Variants in IL1RAPL2 observed in about 807,000 individuals in gnomAD.
IL1RAPL2 encodes interleukin 1 receptor accessory protein like 2.
Under a neutral mutation model 44.1 loss-of-function variants are expected in IL1RAPL2, and 3 were observed. The ratio of observed to expected loss-of-function variants is 0.07; its 90% CI spans 0.03 to 0.18. The LOEUF (loss-of-function observed/expected upper bound fraction) is 0.18, where lower values mean the gene tolerates loss of function less well. Ranked by LOEUF, IL1RAPL2 falls within the 10% of genes least tolerant of loss-of-function variation. The probability of loss-of-function intolerance (pLI) is 1.00; values close to 1 mark genes in which losing one functional copy is unlikely to be tolerated. For synonymous variants in IL1RAPL2, 181 were observed against 178.8 expected (o/e 1.01, Z -0.10); for missense variants, 391 against 496.4 (o/e 0.79, Z 2.02).
chrX:105,034,669 G>C (rs1258484246), intron 2 of IL1RAPL2, among the ~76,000 whole-genome samples: 4 of 112,389 alleles, frequency 3.6e-5, no homozygotes, highest in African/African-American at 9.7e-5. Flanking sequence ...GTGCCTCCCA[G>C]TTAGGCTACT....
rs765086831 is a variant in IL1RAPL2 at position 105,684,595 on chromosome X, G to A, written c.773-32772G>A. Among the ~76,000 whole-genome samples, 3 of 112,765 alleles carry A rather than the reference G, an allele frequency of 2.7e-5. No individual in the cohort carries two copies. In the South Asian group the frequency reaches 1.1e-3, roughly 41 times the overall value. On this transcript the variant is annotated intron_variant, in intron 6 of 10. Transcript: ENST00000372582. ...TACTGCCTCTAGACTCCACCTCTGTGGGCAGGGCATAGCTGAACAAAAGGC... is the reference window on the plus strand; with the variant it reads ...TACTGCCTCTAGACTCCACCTCTGTAGGCAGGGCATAGCTGAACAAAAGGC...
intron 2 of IL1RAPL2, among the ~76,000 whole-genome samples, chrX:104,726,290 T>G (rs183511390): frequency 3.9e-3 from 434 of 111,799 alleles, no homozygotes; most frequent in African/African-American, 0.013. Context: ...AGCCTTGTAG[T>G]ATAGATTGAA....
intron 2 of IL1RAPL2, among the ~76,000 whole-genome samples, chrX:105,087,109 A>G (rs2032489542): frequency 9.0e-6 from 1 of 111,455 alleles, no homozygotes; most frequent in African/African-American, 3.3e-5. Context: ...TACCCCCCTG[A>G]GTTTAAGCAT....
In IL1RAPL2 at chrX:104,951,854, A is replaced by G. The variant is rs985084631; in HGVS notation, c.83-243621A>G. 3.6e-5 allele frequency among the ~76,000 whole-genome samples: 4 copies of G among 112,236 alleles called. No homozygotes were observed. The South Asian group carries it at 1.1e-3, about 31-fold the overall frequency. On this transcript the variant is annotated intron_variant, in intron 2 of 10. Transcript: ENST00000372582. The stretch of plus-strand genomic sequence containing the variant: ...AAGCACTCAGTAAATGGTAACTGCT[A>G]ATGTCAACTATGTGCCAGACTCTAT...
chrX:104,657,993 AT>A (rs1930305727), intron 1 of IL1RAPL2, among the ~76,000 whole-genome samples: 1 of 112,354 alleles, frequency 8.9e-6, no homozygotes, highest in Admixed American at 9.4e-5. Flanking sequence ...ATGTGGAGAA[AT>A]AGGAAAGCTT....
chrX:105,242,637 CAGAG>C (rs2034180922), intron 4 of IL1RAPL2, among the ~76,000 whole-genome samples: 1 of 111,347 alleles, frequency 9.0e-6, no homozygotes, highest in Non-Finnish European at 1.9e-5. Context: ...ATCTCATAAG[CAGAG>C]AGCAAGATTT....
chrX:105,686,380 C>CAAAAAAAAAA (rs1177667576), intron 6 of IL1RAPL2, among the ~76,000 whole-genome samples: 6 of 25,171 alleles, frequency 2.4e-4, no homozygotes, highest in Admixed American at 7.1e-4. Context: ...AAATGGAAAG[C>CAAAAAAAAAA]AAAAAAAAAA....
At chrX:104,724,685 C>A (rs1931753851) in intron 2 of IL1RAPL2, among the ~76,000 whole-genome samples, 1 of 111,290 alleles carries the variant, frequency 9.0e-6, no homozygotes, top group Non-Finnish European at 1.9e-5. Context: ...AAAGGAGCAG[C>A]AAATAGAGCA....
chrX:105,448,096 A>C (rs2035988445), intron 5 of IL1RAPL2, among the ~76,000 whole-genome samples: 1 of 102,318 alleles, frequency 9.8e-6, no homozygotes, highest in Admixed American at 1.1e-4. Context: ...TCCACTGAAA[A>C]GTCTGCTGCC....
intron 1 of IL1RAPL2, among the ~76,000 whole-genome samples, chrX:104,638,209 G>GT (rs1011034462): frequency 0.013 from 1,400 of 107,455 alleles, 30 homozygotes; most frequent in African/African-American, 0.043. Flanking sequence ...CAGTTGAAAT[G>GT]TTTTTTTTTC....
intron 2 of IL1RAPL2, among the ~76,000 whole-genome samples, chrX:104,990,196 A>G (rs148135823): frequency 0.011 from 1,258 of 112,420 alleles, 20 homozygotes; most frequent in African/African-American, 0.038. Context: ...CTTCACTCAG[A>G]AAGTTTTCAT....
At position 105,754,905 on chromosome X, in the gene IL1RAPL2, TTGAG is replaced by T. The variant is rs376637317; in HGVS notation, c.1193-270_1193-267del. On this transcript the variant is annotated intron_variant, in intron 9 of 10. Transcript: ENST00000372582. ...CACTGAGCTAATCATTCACACATCA[TTGAG>T]TATTACAAATGCATATAGTCACTGA... Among the ~76,000 whole-genome samples, 663 of 112,545 alleles carry T rather than the reference TTGAG, an allele frequency of 5.9e-3. 13 individuals carry two copies. Among genetic ancestry groups the T allele is most frequent in the South Asian group, 0.019 (51 of 2,714 alleles).
intron 2 of IL1RAPL2, among the ~76,000 whole-genome samples, chrX:104,994,848 A>G (rs1251737462): frequency 9.0e-6 from 1 of 110,982 alleles, no homozygotes; most frequent in Non-Finnish European, 1.9e-5. Flanking sequence ...CTGTAATACC[A>G]GTGCTTGATA....
chrX:105,040,397 T>A (rs1324193878), intron 2 of IL1RAPL2, among the ~76,000 whole-genome samples: 5 of 111,527 alleles, frequency 4.5e-5, no homozygotes, highest in Non-Finnish European at 5.7e-5. Context: ...TGGCCTCATA[T>A]AATGAGTTAT....
intron 6 of IL1RAPL2, among the ~76,000 whole-genome samples, chrX:105,617,268 G>A (rs1005049387): frequency 6.3e-5 from 7 of 110,647 alleles, no homozygotes; most frequent in Admixed American, 1.9e-4. Context: ...GAATTGTAAC[G>A]AAATGATTCT....
At chrX:105,221,483 T>A in intron 3 of IL1RAPL2, among the ~76,000 whole-genome samples, 1 of 110,860 alleles carries the variant, frequency 9.0e-6, no homozygotes, top group Non-Finnish European at 1.9e-5. Flanking sequence ...CAGAGAGCTA[T>A]TCCCAGCAAC....
intron 5 of IL1RAPL2, among the ~76,000 whole-genome samples, chrX:105,400,830 A>G (rs747213863): frequency 2.7e-5 from 3 of 111,805 alleles, no homozygotes; most frequent in Non-Finnish European, 5.7e-5. Context: ...AAAACTGAAT[A>G]CAATATGGTC....
chrX:105,043,625 G>T lies in IL1RAPL2; in HGVS notation c.83-151850G>T. ...TAATAATCCAAACAATTTCTCCCAA[G>T]ATCCTTACAATGTGGAAAGAGAGCC... On this transcript the variant is annotated intron_variant, in intron 2 of 10. Coordinates refer to ENST00000372582, the MANE Select transcript of IL1RAPL2 (RefSeq NM_017416.2). Among the ~76,000 whole-genome samples, 4 of 108,293 alleles carry T rather than the reference G, an allele frequency of 3.7e-5. No individual in the cohort carries two copies. In the Middle Eastern group the frequency reaches 0.019, roughly 513 times the overall value. The allele number at this position is 108,293 out of a possible 115,157, so 94.0% of individuals were successfully genotyped here.
At chrX:105,571,062 A>T (rs990009833) in intron 6 of IL1RAPL2, among the ~76,000 whole-genome samples, 1 of 111,863 alleles carries the variant, frequency 8.9e-6, no homozygotes, top group Non-Finnish European at 1.9e-5. Context: ...AAATCATTCA[A>T]ATCCAAAAAT....
Sources: gnomAD v4.1 joint callset for allele counts (sites outside exome capture counted in the v4.1 genomes callset) on GRCh38, gnomAD v4.1.1 for gene constraint, MANE v1.5 for transcripts, NCBI Gene and HGNC (gene_info 2026-07-23, HGNC 2026-07-21) for gene names.